Variants in ADGRB3 observed in about 807,000 individuals in gnomAD.
The protein encoded by ADGRB3 is adhesion G protein-coupled receptor B3.
Under a neutral mutation model 193.4 loss-of-function variants are expected in ADGRB3, and 37 were observed. The ratio of observed to expected loss-of-function variants is 0.19; its 90% confidence interval spans 0.15 to 0.25. ADGRB3 has a LOEUF of 0.25. ADGRB3 is among the 10% of genes least tolerant of loss of function. The pLI is 1.00. For synonymous variants in ADGRB3, 690 were observed against 644.2 expected (o/e 1.07, Z -1.08); for missense variants, 1,637 against 1,852.9 (o/e 0.88, Z 2.14).
intron 3 of ADGRB3, among the ~76,000 whole-genome samples, chr6:68,928,730 T>A (rs954861019): frequency 6.6e-6 from 1 of 152,168 alleles, no homozygotes; most frequent in East Asian, 1.9e-4. Context: ...CTTTGCCTGC[T>A]CAGTGCCAAA....
chr6:69,309,018 A>G (rs1768123927), intron 20 of ADGRB3, among the ~76,000 whole-genome samples: 1 of 151,734 alleles, frequency 6.6e-6, no homozygotes, highest in Non-Finnish European at 1.5e-5. Flanking sequence ...GAGAACAAGG[A>G]AAGAACAAAT....
rs191050213 is a variant in ADGRB3 at position 69,162,120 on chromosome 6, A to G, written c.2481-71170A>G. On this transcript the variant is annotated intron_variant, in intron 17 of 31. Transcript: ENST00000370598. ...TGGTTGTGGTGCTGGCTTGGGAACT[A>G]TAATCTGAGAATTACATGCTATAAA... 1.3e-4 allele frequency among the ~76,000 whole-genome samples: 20 copies of G among 152,214 alleles called. No homozygotes were observed. The East Asian group carries it at 3.5e-3, about 26-fold the overall frequency.
At chr6:68,959,267 A>G (rs771925496) in intron 8 of ADGRB3, among the ~76,000 whole-genome samples, 8 of 152,118 alleles carry the variant, frequency 5.3e-5, no homozygotes, top group Non-Finnish European at 1.0e-4. Flanking sequence ...TATTGCTTCA[A>G]ATTTACACAC....
At chr6:69,307,794 T>A (rs1165687289) in intron 20 of ADGRB3, among the ~76,000 whole-genome samples, 10 of 151,472 alleles carry the variant, frequency 6.6e-5, no homozygotes, top group Admixed American at 6.6e-4. Context: ...ACTGGGCATC[T>A]CTGTGGAAGA....
At chr6:69,296,697 AAT>A (rs1767825335) in intron 20 of ADGRB3, among the ~76,000 whole-genome samples, 1 of 152,160 alleles carries the variant, frequency 6.6e-6, no homozygotes, top group African/African-American at 2.4e-5. Flanking sequence ...TTTATTTCAA[AAT>A]ATATTCCTTT....
intron 3 of ADGRB3, among the ~76,000 whole-genome samples, chr6:68,897,097 G>A (rs1766239074): frequency 6.6e-6 from 1 of 152,050 alleles, no homozygotes; most frequent in Admixed American, 6.6e-5. Flanking sequence ...TCATGTAGCT[G>A]GTGGGAGAGT....
At chr6:68,940,414 C>T (rs1767602600) in intron 5 of ADGRB3, among the ~76,000 whole-genome samples, 1 of 151,954 alleles carries the variant, frequency 6.6e-6, no homozygotes, top group South Asian at 2.1e-4. Flanking sequence ...GTTGTGACAA[C>T]CAAATATGTC....
intron 3 of ADGRB3, among the ~76,000 whole-genome samples, chr6:68,909,531 T>G (rs1225648693): frequency 6.6e-6 from 1 of 152,164 alleles, no homozygotes; most frequent in Non-Finnish European, 1.5e-5. Flanking sequence ...TACTAAGGCA[T>G]AGTGGCATAG....
rs138759605 is a variant in ADGRB3, at chr6:68,892,793, C to G, written c.758-37766C>G. On this transcript the variant is annotated intron_variant, in intron 3 of 31. Coordinates refer to ENST00000370598, the MANE Select transcript of ADGRB3 (RefSeq NM_001704.3). The stretch of plus-strand genomic sequence containing the variant: ...GGAGAAACTTATATAGACAAATTGG[C>G]AAAATATATACCTCAAAAAGTTTAT... Among the ~76,000 whole-genome samples the G allele has an allele frequency of 3.3e-5, 5 of 152,074 alleles. No individual in the cohort carries two copies. In the East Asian group the frequency reaches 7.7e-4, roughly 24 times the overall value.
chr6:68,911,278 GA>G (rs1300144420), intron 3 of ADGRB3, among the ~76,000 whole-genome samples: 3 of 112,162 alleles, frequency 2.7e-5, no homozygotes, highest in Non-Finnish European at 5.2e-5. Flanking sequence ...GGGGTGGGGG[GA>G]GGGGGGAGGG....
intron 20 of ADGRB3, among the ~76,000 whole-genome samples, chr6:69,313,690 A>T (rs919613842): frequency 2.0e-5 from 3 of 151,804 alleles, no homozygotes; most frequent in Non-Finnish European, 4.4e-5. Flanking sequence ...ACAGATAAAG[A>T]ACATAGTGTA....
chr6:69,182,593 A>G (rs1263303248), intron 17 of ADGRB3, among the ~76,000 whole-genome samples: 1 of 151,676 alleles, frequency 6.6e-6, no homozygotes, highest in Non-Finnish European at 1.5e-5. Flanking sequence ...GCTGAGAATT[A>G]TTTTTTCCCT....
chr6:69,360,666 G>A (rs573201967), intron 28 of ADGRB3, among the ~76,000 whole-genome samples: 5 of 151,966 alleles, frequency 3.3e-5, no homozygotes, highest in Admixed American at 2.0e-4. Context: ...TGAGATCTAT[G>A]AGAGCATAAC....
rs113857161 is a variant in ADGRB3 at position 68,801,508 on chromosome 6, C to A, written c.758-129051C>A. ...TTTCAGACCAGCCTGGTCAACATAG[C>A]GAAACCCCATCTCTACTAAAAATAC... On this transcript the variant is annotated intron_variant, in intron 3 of 31. Transcript: ENST00000370598. Among the ~76,000 whole-genome samples, 397 of 151,880 alleles carry A rather than the reference C, an allele frequency of 2.6e-3. 1 individual carries two copies. Among genetic ancestry groups the A allele is most frequent in the African/African-American group, 9.1e-3 (379 of 41,434 alleles).
intron 17 of ADGRB3, among the ~76,000 whole-genome samples, chr6:69,213,322 C>T (rs1765707453): frequency 6.6e-6 from 1 of 152,266 alleles, no homozygotes; most frequent in South Asian, 2.1e-4. Flanking sequence ...TTCCCTGGTT[C>T]CAAAGATGCT....
At chr6:68,852,985 T>C (rs1562057102) in intron 3 of ADGRB3, among the ~76,000 whole-genome samples, 1 of 152,080 alleles carries the variant, frequency 6.6e-6, no homozygotes, top group Admixed American at 6.5e-5. Context: ...GAGCCATATA[T>C]ACTGCTCAGC....
At chr6:69,046,682 G>T (rs1304150880) in intron 13 of ADGRB3, among the ~76,000 whole-genome samples, 1 of 152,072 alleles carries the variant, frequency 6.6e-6, no homozygotes, top group Non-Finnish European at 1.5e-5. Context: ...TCACCTGAAA[G>T]AACTTTAATA....
chr6:69,319,761 A>G (rs1768405345), intron 20 of ADGRB3, among the ~76,000 whole-genome samples: 1 of 151,392 alleles, frequency 6.6e-6, no homozygotes, highest in Non-Finnish European at 1.5e-5. Flanking sequence ...TAGTATTTGC[A>G]TAAGCTAGCT....
chr6:68,903,455 A>G (rs1343538173), intron 3 of ADGRB3, among the ~76,000 whole-genome samples: 1 of 152,170 alleles, frequency 6.6e-6, no homozygotes, highest in Non-Finnish European at 1.5e-5. Flanking sequence ...CTCAGGATAT[A>G]TTTAGTTTTC....
Sources: allele counts gnomAD v4.1 joint callset (sites outside exome capture counted in the v4.1 genomes callset), GRCh38; gene constraint gnomAD v4.1.1; transcripts MANE v1.5; gene names NCBI Gene and HGNC (gene_info 2026-07-23, HGNC 2026-07-21).